Variants in ANK3 observed in about 807,000 individuals in gnomAD.
The protein encoded by ANK3 is ankyrin 3, also known as ankyrin-3.
A neutral mutation model predicts 370.9 loss-of-function variants in ANK3; 57 were observed. That is an observed-to-expected ratio of 0.15 (90% CI 0.12 to 0.19). The LOEUF (loss-of-function observed/expected upper bound fraction) is 0.19, where lower values mean the gene tolerates loss of function less well. Ranked by LOEUF, ANK3 falls within the 10% of genes least tolerant of loss-of-function variation. ANK3 has a pLI of 1.00. For synonymous variants in ANK3, 1,929 were observed against 1,946.3 expected, an observed-to-expected ratio of 0.99 and a Z score of 0.23; for missense variants, 4,439 against 5,302.1, an observed-to-expected ratio of 0.84 and a Z score of 5.06.
At chr10:60,694,048 G>A (rs1019791801) in intron 1 of ANK3, among the ~76,000 whole-genome samples, 1 of 152,082 alleles carries the variant, frequency 6.6e-6, no homozygotes, top group African/African-American at 2.4e-5. Context: ...ACAGAGAAGT[G>A]CTTAAAGGAG....
chr10:60,247,350 AT>A (rs2097571830), intron 7 of ANK3, among the ~76,000 whole-genome samples: 1 of 152,154 alleles, frequency 6.6e-6, no homozygotes, highest in South Asian at 2.1e-4. Context: ...CGCTTTAAAA[AT>A]TTTTTTAATT....
At chr10:60,263,354 C>G (rs1383894370) in intron 6 of ANK3, among the ~76,000 whole-genome samples, 1 of 152,172 alleles carries the variant, frequency 6.6e-6, no homozygotes, top group Non-Finnish European at 1.5e-5. Flanking sequence ...GTCACAGAGA[C>G]TTTCAGGTAC....
chr10:60,158,523 T>C (rs1487741589), intron 23 of ANK3, among the ~76,000 whole-genome samples: 1 of 152,102 alleles, frequency 6.6e-6, no homozygotes, highest in East Asian at 1.9e-4. Context: ...TTTTTGCCTG[T>C]TTTTCTTTTC....
At chr10:60,527,594 C>A (rs1015782853) in intron 2 of ANK3, among the ~76,000 whole-genome samples, 1 of 152,102 alleles carries the variant, frequency 6.6e-6, no homozygotes, top group African/African-American at 2.4e-5. Context: ...AATTCAAAGT[C>A]CTCCTCAATT....
chr10:60,246,516 T>G (rs767031983), intron 7 of ANK3, among the ~76,000 whole-genome samples: 10 of 152,200 alleles, frequency 6.6e-5, no homozygotes, highest in Non-Finnish European at 1.5e-5. Flanking sequence ...CAATGACATT[T>G]CCTTAACCTC....
chr10:60,319,751 A>G (rs2048228674), intron 1 of ANK3, among the ~76,000 whole-genome samples: 1 of 152,160 alleles, frequency 6.6e-6, no homozygotes, highest in Admixed American at 6.5e-5. Flanking sequence ...GGCCACAAAA[A>G]TCTAACAAAA....
At chr10:60,303,911 T>C (rs529166695) in intron 1 of ANK3, among the ~76,000 whole-genome samples, 97 of 151,510 alleles carry the variant, frequency 6.4e-4, no homozygotes, top group African/African-American at 2.3e-3. Flanking sequence ...TGTGTGTGTA[T>C]AATTAAACAC....
intron 2 of ANK3, among the ~76,000 whole-genome samples, chr10:60,425,493 G>C (rs1296551635): frequency 6.6e-6 from 1 of 152,024 alleles, no homozygotes; most frequent in East Asian, 1.9e-4. Context: ...AGTAGAAAAG[G>C]TTTTGCCTTT....
intron 2 of ANK3, among the ~76,000 whole-genome samples, chr10:60,442,305 A>G (rs1355326967): frequency 2.0e-5 from 3 of 152,038 alleles, no homozygotes; most frequent in Admixed American, 2.0e-4. Flanking sequence ...AAAATTGGTC[A>G]GGCTGATCTC....
intron 1 of ANK3, among the ~76,000 whole-genome samples, chr10:60,363,737 C>T (rs940019939): frequency 2.6e-5 from 4 of 152,074 alleles, no homozygotes; most frequent in African/African-American, 7.2e-5. Context: ...AACAAAACAA[C>T]CTTAACATGA....
intron 1 of ANK3, among the ~76,000 whole-genome samples, chr10:60,654,219 CA>C (rs1440667575): frequency 6.6e-6 from 1 of 152,160 alleles, no homozygotes; most frequent in African/African-American, 2.4e-5. Context: ...AGCTTTTATA[CA>C]TTCCAGGGAT....
chr10:60,078,823 G>C (rs754540955), intron 36 of ANK3, among the ~76,000 whole-genome samples: 1 of 152,100 alleles, frequency 6.6e-6, no homozygotes. Flanking sequence ...TCATTCCCTT[G>C]TTTACCACCC....
intron 2 of ANK3, among the ~76,000 whole-genome samples, chr10:60,472,729 G>A (rs2065249037): frequency 6.6e-6 from 1 of 152,152 alleles, no homozygotes; most frequent in Non-Finnish European, 1.5e-5. Flanking sequence ...AAGCATTAAG[G>A]ATAGGATTAT....
intron 42 of ANK3, among the ~76,000 whole-genome samples, chr10:60,046,023 T>C (rs1404983895): frequency 2.0e-5 from 3 of 152,098 alleles, no homozygotes; most frequent in African/African-American, 7.2e-5. Flanking sequence ...CACTGTGGTA[T>C]AGGTGGAATG....
chr10:60,412,983 G>A (rs1346407738), intron 2 of ANK3, among the ~76,000 whole-genome samples: 1 of 152,156 alleles, frequency 6.6e-6, no homozygotes, highest in Non-Finnish European at 1.5e-5. Flanking sequence ...TCGATAAAAG[G>A]TTGGATCATC....
chr10:60,474,036 G>C (rs914000318), intron 2 of ANK3, among the ~76,000 whole-genome samples: 17 of 151,296 alleles, frequency 1.1e-4, no homozygotes, highest in Non-Finnish European at 1.5e-5. Flanking sequence ...GGGAGGCTGA[G>C]GCGGGAGGAT....
At chr10:60,469,685 G>T (rs2065165966) in intron 2 of ANK3, among the ~76,000 whole-genome samples, 3 of 88,640 alleles carry the variant, frequency 3.4e-5, no homozygotes, top group Admixed American at 1.4e-4. Context: ...ATATATGGTG[G>T]TATATATATA....
intron 2 of ANK3, among the ~76,000 whole-genome samples, chr10:60,562,530 C>T (rs935091220): frequency 1.3e-5 from 2 of 152,110 alleles, no homozygotes; most frequent in African/African-American, 4.8e-5. Context: ...TCTCCTGCCT[C>T]GGCCTCCAGA....
chr10:60,206,361 T>C (rs2096762451), intron 10 of ANK3, among the ~76,000 whole-genome samples: 1 of 152,128 alleles, frequency 6.6e-6, no homozygotes, highest in Admixed American at 6.5e-5. Context: ...TAATCCCAGC[T>C]ACTTGGGAGG....
Sources: allele counts gnomAD v4.1 joint callset (sites outside exome capture counted in the v4.1 genomes callset), GRCh38; gene constraint gnomAD v4.1.1; transcripts MANE v1.5; gene names NCBI Gene and HGNC (gene_info 2026-07-23, HGNC 2026-07-21).